Variants in DNER observed in about 807,000 individuals in gnomAD.
The protein encoded by DNER is delta and Notch-like epidermal growth factor-related receptor.
In DNER, 33 loss-of-function variants were observed where a neutral mutation model predicts 78.2. The ratio of observed to expected loss-of-function variants is 0.42; its 90% CI spans 0.32 to 0.56. The LOEUF is 0.56. Among genes scored for constraint, DNER ranks in the 20% least tolerant of loss-of-function variants. DNER has a pLI of 0.11. For synonymous variants in DNER, 417 were observed against 384.8 expected, an observed-to-expected ratio of 1.08 and a Z score of -0.98; for missense variants, 918 against 975.3, an observed-to-expected ratio of 0.94 and a Z score of 0.78.
intron 6 of DNER, among the ~76,000 whole-genome samples, chr2:229,508,970 T>A (rs976329345): frequency 6.6e-6 from 1 of 152,196 alleles, no homozygotes; most frequent in Non-Finnish European, 1.5e-5. Context: ...GTGGTTGTTA[T>A]CTGTTATCTC....
At chr2:229,372,842 T>C (rs1021984855) in intron 11 of DNER, among the ~76,000 whole-genome samples, 2 of 151,882 alleles carry the variant, frequency 1.3e-5, no homozygotes, top group African/African-American at 4.8e-5. Context: ...TAGGGGGGAA[T>C]CAACCAGACT....
At chr2:229,668,131 A>C (rs6712507) in intron 1 of DNER, among the ~76,000 whole-genome samples, 31,407 of 152,006 alleles carry the variant, frequency 0.21, 5,635 homozygotes, top group African/African-American at 0.49. Context: ...ATGACTGCAT[A>C]CACCACCATT....
At chr2:229,630,479 AAATAATAATAATAAT>A (rs200043673) in intron 1 of DNER, among the ~76,000 whole-genome samples, 73 of 139,054 alleles carry the variant, frequency 5.2e-4, no homozygotes, top group Non-Finnish European at 7.1e-4. Context: ...CTCCATCTCA[AAATAATAATAATAAT>A]AATAATAATA....
chr2:229,615,375 C>T (rs762336372), intron 1 of DNER, among the ~76,000 whole-genome samples: 78 of 142,620 alleles, frequency 5.5e-4, no homozygotes, highest in Non-Finnish European at 7.8e-4. Context: ...TGCACCTTTG[C>T]ATCCCAGCCT....
At chr2:229,560,097 G>T (rs1294826697) in intron 4 of DNER, among the ~76,000 whole-genome samples, 1 of 152,176 alleles carries the variant, frequency 6.6e-6, no homozygotes, top group African/African-American at 2.4e-5. Flanking sequence ...AAAATGCTGG[G>T]CTTCAGGCCA....
intron 10 of DNER, among the ~76,000 whole-genome samples, chr2:229,399,481 T>C (rs1036037762): frequency 3.0e-4 from 45 of 152,092 alleles, no homozygotes; most frequent in African/African-American, 1.1e-3. Context: ...CAAATTGATA[T>C]ACTGGTTTAT....
intron 5 of DNER, among the ~76,000 whole-genome samples, chr2:229,519,381 T>G (rs779702425): frequency 1.3e-5 from 2 of 152,168 alleles, no homozygotes; most frequent in Non-Finnish European, 2.9e-5. Flanking sequence ...AAAGAACATA[T>G]ACAGAAAATA....
At position 229,712,065 on chromosome 2, in the gene DNER, G is replaced by A. The variant is rs141905796; in HGVS notation, c.276+2083C>T. On this transcript the variant is annotated intron_variant, in intron 1 of 12. Coordinates refer to ENST00000341772, the MANE Select transcript of DNER (RefSeq NM_139072.4). ...TCCAATCAAGTTCCAAGTTCACTAA[G>A]CTTTCCTATGAGGATTACAGTAACT... Among the ~76,000 whole-genome samples, 1,312 of 152,242 alleles carry A rather than the reference G, an allele frequency of 8.6e-3. 11 individuals carry two copies. The highest frequency in any genetic ancestry group is 0.017 in the Middle Eastern group (5 of 294).
At chr2:229,637,376 T>C (rs1488803762) in intron 1 of DNER, among the ~76,000 whole-genome samples, 1 of 152,254 alleles carries the variant, frequency 6.6e-6, no homozygotes, top group Non-Finnish European at 1.5e-5. Flanking sequence ...AGTGGTGTGC[T>C]GAAGTTGGTT....
At chr2:229,674,862 T>G (rs1050982898) in intron 1 of DNER, among the ~76,000 whole-genome samples, 1 of 152,176 alleles carries the variant, frequency 6.6e-6, no homozygotes, top group Non-Finnish European at 1.5e-5. Flanking sequence ...AGACGTAAGG[T>G]CATACAGATT....
At chr2:229,363,257 G>A (rs1380129141) in intron 12 of DNER, among the ~76,000 whole-genome samples, 1 of 152,230 alleles carries the variant, frequency 6.6e-6, no homozygotes, top group African/African-American at 2.4e-5. Context: ...CACAGCCTCA[G>A]TCACTCGTGT....
chr2:229,476,464 T>C (rs1457886851), intron 7 of DNER, among the ~76,000 whole-genome samples: 3 of 152,188 alleles, frequency 2.0e-5, no homozygotes, highest in Non-Finnish European at 4.4e-5. Context: ...CTCTATGTAG[T>C]TGTCAATGTT....
chr2:229,546,822 C>CAGATAGAT lies in DNER; in HGVS notation c.993+124_993+125insATCTATCT, dbSNP rs1481830597. 35 of 1,365,916 alleles carry CAGATAGAT rather than the reference C, an allele frequency of 2.6e-5. No homozygotes were observed. The African/African-American group carries it at 4.6e-4, about 18-fold the overall frequency. The allele number at this position is 1,365,916 out of a possible 1,614,324, so 84.6% of individuals were successfully genotyped here. ...ATAGATAGACAGACAGACAGACAGA[C>CAGATAGAT]AGACAGACAGATAGATAGATAGAGC... On this transcript the variant is annotated intron_variant, in intron 5 of 12. Coordinates refer to ENST00000341772, the MANE Select transcript of DNER (RefSeq NM_139072.4).
chr2:229,491,566 T>A (rs569700269), intron 6 of DNER, among the ~76,000 whole-genome samples: 1 of 152,368 alleles, frequency 6.6e-6, no homozygotes, highest in East Asian at 1.9e-4. Context: ...ATTCCCCTGA[T>A]AGTCACACTG....
At chr2:229,564,069 A>G (rs1697041321) in intron 4 of DNER, among the ~76,000 whole-genome samples, 1 of 145,994 alleles carries the variant, frequency 6.8e-6, no homozygotes, top group African/African-American at 2.6e-5. Context: ...CATCACCATC[A>G]TCATCATCCT....
chr2:229,467,153 C>T lies in DNER; in HGVS notation c.1261+9987G>A, dbSNP rs1237835969. Among the ~76,000 whole-genome samples, 3 of 152,038 alleles carry T rather than the reference C, an allele frequency of 2.0e-5. No individual in the cohort carries two copies. The East Asian group carries it at 5.8e-4, about 29-fold the overall frequency. ...GGCCAAGGGCATTGCTAAGGGTAGG[C>T]TATTTGGGAGTAGAAAGTGAGGAAG... On this transcript the variant is annotated intron_variant, in intron 7 of 12. Transcript: ENST00000341772.
intron 1 of DNER, among the ~76,000 whole-genome samples, chr2:229,623,846 C>A (rs57716199): frequency 0.49 from 73,839 of 152,036 alleles, 20,168 homozygotes; most frequent in Admixed American, 0.6. Flanking sequence ...ACCTCTGCTT[C>A]TCTCCCTGCT....
chr2:229,689,440 T>G (rs1379601808), intron 1 of DNER, among the ~76,000 whole-genome samples: 1 of 152,210 alleles, frequency 6.6e-6, no homozygotes, highest in East Asian at 1.9e-4. Flanking sequence ...ACAATTTATT[T>G]TAGCCAAGAG....
At chr2:229,652,142 T>C (rs1225539205) in intron 1 of DNER, among the ~76,000 whole-genome samples, 2 of 152,210 alleles carry the variant, frequency 1.3e-5, no homozygotes, top group African/African-American at 2.4e-5. Flanking sequence ...CCCTGCCCCC[T>C]GCAGTCAAGA....
Sources: gnomAD v4.1 joint callset for allele counts (sites outside exome capture counted in the v4.1 genomes callset) on GRCh38, gnomAD v4.1.1 for gene constraint, MANE v1.5 for transcripts, NCBI Gene and HGNC (gene_info 2026-07-23, HGNC 2026-07-21) for gene names.